The following PAMR1 variants were observed in gnomAD, a reference collection of about 807,000 sequenced individuals.
PAMR1 encodes the protein peptidase domain containing associated with muscle regeneration 1.
PAMR1 carries 88 observed loss-of-function variants against 81.8 expected under a neutral mutation model. That is an observed-to-expected ratio of 1.08 (90% confidence interval 0.91 to 1.28). PAMR1 has a LOEUF of 1.28. Ranked by LOEUF, PAMR1 falls within the 50% of genes most tolerant of loss-of-function variation. The pLI, the probability that PAMR1 is intolerant of heterozygous loss-of-function variation, is 0.00. For missense variants in PAMR1, 935 were observed against 919.7 expected (o/e 1.02, Z -0.21); for synonymous variants, 336 against 345.3 (o/e 0.97, Z 0.30).
At chr11:35,523,374 T>A (rs1436353610) in intron 1 of PAMR1, among the ~76,000 whole-genome samples, 1 of 152,104 alleles carries the variant, frequency 6.6e-6, no homozygotes, top group South Asian at 2.1e-4. Context: ...TTCCCAAGAG[T>A]CCCATATTTT....
chr11:35,477,448 A>G (rs1044121607), intron 3 of PAMR1, among the ~76,000 whole-genome samples: 9 of 152,246 alleles, frequency 5.9e-5, no homozygotes, highest in African/African-American at 2.2e-4. Flanking sequence ...GAAGACTGTA[A>G]ATCGTTATCC....
rs112419343 is a variant in PAMR1 at position 35,466,938 on chromosome 11, G to A, written c.820+1063C>T. Among the ~76,000 whole-genome samples, 1,198 of 151,916 alleles carry A rather than the reference G, an allele frequency of 7.9e-3. 14 individuals are homozygous for A. The highest frequency in any genetic ancestry group is 0.028 in the African/African-American group (1,146 of 41,400). On this transcript the variant is annotated intron_variant, in intron 6 of 10. Coordinates refer to ENST00000619888, the MANE Select transcript of PAMR1 (RefSeq NM_001001991.3). Reference sequence around the variant, plus strand: ...GCCCTTTTCCCCTCCCCATCCTATGGTATTTTACTTCCAATGGCCTGTACT... The same window carrying A: ...GCCCTTTTCCCCTCCCCATCCTATGATATTTTACTTCCAATGGCCTGTACT...
chr11:35,470,510 A>T, intron 5 of PAMR1, 91 bp downstream of exon 5: 1 of 972,588 alleles, frequency 1.0e-6, no homozygotes, highest in Non-Finnish European at 1.6e-6. Flanking sequence ...AGGTTTTAAT[A>T]AGGATGAGAG....
intron 6 of PAMR1, among the ~76,000 whole-genome samples, chr11:35,454,846 G>C (rs568135673): frequency 6.6e-6 from 1 of 152,266 alleles, no homozygotes; most frequent in South Asian, 2.1e-4. Flanking sequence ...TTGGGCTCCA[G>C]GCCAGCCCCA....
intron 6 of PAMR1, among the ~76,000 whole-genome samples, chr11:35,467,350 G>C (rs1400492): frequency 0.69 from 105,549 of 151,992 alleles, 36,815 homozygotes; most frequent in African/African-American, 0.74. Context: ...CTACCTAGGA[G>C]ACTCTCTGTC....
intron 3 of PAMR1, among the ~76,000 whole-genome samples, chr11:35,486,507 G>A (rs939102925): frequency 6.6e-6 from 1 of 152,190 alleles, no homozygotes; most frequent in South Asian, 2.1e-4. Context: ...ATTAATGCAC[G>A]AAGGTGTGAG....
chr11:35,460,285 G>T (rs1305118348), intron 6 of PAMR1, among the ~76,000 whole-genome samples: 1 of 151,166 alleles, frequency 6.6e-6, no homozygotes, highest in Non-Finnish European at 1.5e-5. Context: ...ATTGTGCTAT[G>T]CTCTCACTGT....
intron 4 of PAMR1, 94 bp from the exon 5 acceptor site, chr11:35,470,912 G>A: frequency 1.2e-6 from 1 of 837,014 alleles, no homozygotes; most frequent in East Asian, 2.6e-5. Flanking sequence ...GAACAGGCCT[G>A]AGGAACAGAT....
At chr11:35,504,605 T>C (rs1029179400) in intron 1 of PAMR1, among the ~76,000 whole-genome samples, 31 of 152,254 alleles carry the variant, frequency 2.0e-4, no homozygotes, top group Non-Finnish European at 3.2e-4. Context: ...TGGTTCAACC[T>C]TGGTAGGTTG....
upstream of PAMR1, among the ~76,000 whole-genome samples, chr11:35,527,230 G>A (rs1851408821): frequency 6.6e-6 from 1 of 152,176 alleles, no homozygotes; most frequent in East Asian, 1.9e-4. Context: ...CTTTCTGGCT[G>A]TGTGACCTTA....
intron 6 of PAMR1, among the ~76,000 whole-genome samples, chr11:35,461,641 AC>A (rs1856657589): frequency 6.6e-6 from 1 of 152,022 alleles, no homozygotes; most frequent in African/African-American, 2.4e-5. Flanking sequence ...ACACCCACAC[AC>A]ACACACACCT....
intron 8 of PAMR1, among the ~76,000 whole-genome samples, chr11:35,437,855 G>C (rs1469336918): frequency 1.3e-5 from 2 of 152,196 alleles, no homozygotes; most frequent in African/African-American, 4.8e-5. Context: ...ACACAGATCA[G>C]GAAAGAGGGC....
At chr11:35,495,753 G>C (rs1206504884) in intron 1 of PAMR1, among the ~76,000 whole-genome samples, 1 of 152,038 alleles carries the variant, frequency 6.6e-6, no homozygotes, top group Non-Finnish European at 1.5e-5. Context: ...TGTGACACAG[G>C]GTTGATCACT....
chr11:35,519,991 A>C (rs1851241285), intron 1 of PAMR1, among the ~76,000 whole-genome samples: 2 of 152,214 alleles, frequency 1.3e-5, no homozygotes. Flanking sequence ...AAGTGGGGGC[A>C]AACAACAATA....
chr11:35,435,065 A>C (rs576360497), intron 9 of PAMR1, among the ~76,000 whole-genome samples: 2 of 152,318 alleles, frequency 1.3e-5, no homozygotes, highest in African/African-American at 4.8e-5. Flanking sequence ...AACTTTGGGC[A>C]AGTTGTCTAA....
chr11:35,450,904 C>T (rs977975064), intron 6 of PAMR1, among the ~76,000 whole-genome samples: 3 of 152,184 alleles, frequency 2.0e-5, no homozygotes, highest in Non-Finnish European at 4.4e-5. Context: ...AATCTGCAGC[C>T]AATTAGCCTA....
chr11:35,474,600 G>A, intron 4 of PAMR1, 30 bp downstream of exon 4: 1 of 1,300,078 alleles, frequency 7.7e-7, no homozygotes, highest in Non-Finnish European at 1.1e-6. Flanking sequence ...TATAACCTCA[G>A]ACTCCTGACT....
intron 1 of PAMR1, among the ~76,000 whole-genome samples, chr11:35,494,767 T>C (rs1006927445): frequency 1.3e-5 from 2 of 152,244 alleles, no homozygotes; most frequent in Non-Finnish European, 2.9e-5. Context: ...TAGGGAGACC[T>C]ACCCCAAGGA....
chr11:35,463,991 C>T (rs1219390089), intron 6 of PAMR1, among the ~76,000 whole-genome samples: 1 of 152,210 alleles, frequency 6.6e-6, no homozygotes, highest in Non-Finnish European at 1.5e-5. Flanking sequence ...GGTCCCAAGT[C>T]TTATTTTGAG....
Sources: gnomAD v4.1 joint callset for allele counts (sites outside exome capture counted in the v4.1 genomes callset) on GRCh38, gnomAD v4.1.1 for gene constraint, MANE v1.5 for transcripts, NCBI Gene and HGNC (gene_info 2026-07-23, HGNC 2026-07-21) for gene names.